TMEM87A: variants seen among roughly 807,000 people sequenced by gnomAD.
The protein encoded by TMEM87A is transmembrane protein 87A.
Under a neutral mutation model 90.0 loss-of-function variants are expected in TMEM87A, and 50 were observed. The observed-to-expected ratio is 0.56, with a 90% CI of 0.44 to 0.70. TMEM87A has a LOEUF of 0.70. Ranked by LOEUF, TMEM87A falls within the 30% of genes least tolerant of loss-of-function variation. TMEM87A has a pLI of 0.00. For missense variants in TMEM87A, 577 were observed against 660.5 expected (o/e 0.87, Z 1.39); for synonymous variants, 226 against 226.7 (o/e 1.00, Z 0.03).
At chr15:42,256,999 T>A (rs768402230) in intron 6 of TMEM87A, among the ~76,000 whole-genome samples, 25 of 152,206 alleles carry the variant, frequency 1.6e-4, no homozygotes, top group Admixed American at 2.6e-4. Context: ...GTTACAGGTG[T>A]GAGCCACAGC....
intron 9 of TMEM87A, 151 bp downstream of exon 9, chr15:42,237,281 A>C (rs2050786361): frequency 1.4e-6 from 1 of 727,470 alleles, no homozygotes; most frequent in South Asian, 2.6e-5. Context: ...ATTAAAAACA[A>C]AAGTCAGAGT....
chr15:42,228,689 CAAG>C lies in TMEM87A; in HGVS notation c.1240+20_1240+22del. On this transcript the variant is annotated intron_variant, in intron 13 of 19. Transcript: ENST00000389834. The stretch of plus-strand genomic sequence containing the variant: ...TTCTAAACAGATCACATTTGAACTC[CAAG>C]AAGAAAGTCCCAGACTTACCTGCCA... 6.3e-7 allele frequency: 1 copy of C among 1,596,582 alleles called. No homozygotes were observed. The highest frequency in any genetic ancestry group is 8.6e-7 in the Non-Finnish European group (1 of 1,164,072).
At chr15:42,229,433 A>G (rs1289517541) in intron 12 of TMEM87A, among the ~76,000 whole-genome samples, 1 of 152,138 alleles carries the variant, frequency 6.6e-6, no homozygotes, top group Non-Finnish European at 1.5e-5. Context: ...CAAAAAAAAA[A>G]GACAGAAAAT....
At chr15:42,262,690 T>C (rs2051319415) in intron 4 of TMEM87A, among the ~76,000 whole-genome samples, 1 of 152,204 alleles carries the variant, frequency 6.6e-6, no homozygotes, top group Admixed American at 6.5e-5. Context: ...GTGCTGGGAT[T>C]ACAGGCCTGA....
intron 8 of TMEM87A, among the ~76,000 whole-genome samples, chr15:42,238,971 GTATGCACACATACATGTA>G (rs1268689555): frequency 1.3e-5 from 2 of 151,910 alleles, no homozygotes; most frequent in African/African-American, 2.4e-5. Flanking sequence ...AGACACAGAC[GTATGCACACATACATGTA>G]TGTGCACACA....
intron 9 of TMEM87A, 51 bp downstream of exon 9, chr15:42,237,380 TA>T: frequency 6.3e-7 from 1 of 1,575,284 alleles, no homozygotes; most frequent in Admixed American, 1.8e-5. Flanking sequence ...AATATTTTCA[TA>T]CATCTCACCT....
At chr15:42,241,210 G>C (rs549371330) in intron 7 of TMEM87A, among the ~76,000 whole-genome samples, 1 of 152,320 alleles carries the variant, frequency 6.6e-6, no homozygotes, top group African/African-American at 2.4e-5. Context: ...AAACACAGCA[G>C]ACAGAAACAT....
chr15:42,216,903 A>G (rs1168979039), intron 19 of TMEM87A, among the ~76,000 whole-genome samples: 1 of 152,098 alleles, frequency 6.6e-6, no homozygotes, highest in Admixed American at 6.6e-5. Context: ...ATGACCTAAT[A>G]TTCAGAACAT....
chr15:42,223,151 G>A (rs1320240123), intron 15 of TMEM87A, among the ~76,000 whole-genome samples: 1 of 152,174 alleles, frequency 6.6e-6, no homozygotes, highest in East Asian at 1.9e-4. Context: ...CCAGCGTTTT[G>A]GGAGGCCAAG....
intron 3 of TMEM87A, among the ~76,000 whole-genome samples, chr15:42,264,699 A>ATATATATATATATATATTTT (rs10681614): frequency 2.7e-5 from 3 of 109,422 alleles, no homozygotes; most frequent in African/African-American, 9.2e-5. Context: ...ATATATATAT[A>ATATATATATATATATATTTT]TTTTTTTTTT....
intron 6 of TMEM87A, 119 bp downstream of exon 6, chr15:42,260,839 C>T (rs2051273578): frequency 9.0e-7 from 1 of 1,114,312 alleles, no homozygotes; most frequent in South Asian, 1.6e-5. Context: ...TGGTCTATAG[C>T]TTCCAGATTT....
At position 42,231,142 on chromosome 15, in the gene TMEM87A, C is replaced by CT. The variant is rs748510340; in HGVS notation, c.1131+49dup. 9.8e-6 allele frequency: 9 copies of CT among 918,496 alleles called. No homozygotes were observed. The African/African-American group carries it at 4.3e-4, about 44-fold the overall frequency. The allele number at this position is 918,496 out of a possible 1,614,324, so 56.9% of individuals were successfully genotyped here. On this transcript the variant is annotated intron_variant, in intron 12 of 19. Coordinates refer to ENST00000389834, the MANE Select transcript of TMEM87A (RefSeq NM_015497.5). ...TGCAGAAAGATCAATGGAAACCCAT[C>CT]TCAAGGGGAGAAAATGGACCATCAT...
At chr15:42,232,725 G>A (rs542073916) in intron 11 of TMEM87A, among the ~76,000 whole-genome samples, 57 of 151,734 alleles carry the variant, frequency 3.8e-4, no homozygotes, top group Admixed American at 1.0e-3. Context: ...CTAGTGATCC[G>A]CCTGCCTCGG....
At chr15:42,244,280 TTC>T (rs1307585307) in intron 6 of TMEM87A, 113 bp from the exon 7 acceptor site, 1 of 649,322 alleles carries the variant, frequency 1.5e-6, no homozygotes, top group Non-Finnish European at 2.6e-6. Context: ...GGTAAAGTCC[TTC>T]TCTTTCATTC....
intron 19 of TMEM87A, among the ~76,000 whole-genome samples, chr15:42,216,918 A>G (rs534396211): frequency 2.6e-5 from 4 of 152,186 alleles, no homozygotes; most frequent in Admixed American, 2.6e-4. Flanking sequence ...GAACATATCC[A>G]GAACTAGTTT....
chr15:42,212,296 A>G (rs1370702297), intron 19 of TMEM87A, among the ~76,000 whole-genome samples: 1 of 152,194 alleles, frequency 6.6e-6, no homozygotes, highest in Admixed American at 6.5e-5. Context: ...TTCCCTTCTT[A>G]GGCAATTTTA....
chr15:42,271,351 A>T (rs1252017354), intron 2 of TMEM87A, among the ~76,000 whole-genome samples: 1 of 152,224 alleles, frequency 6.6e-6, no homozygotes, highest in Non-Finnish European at 1.5e-5. Context: ...GTAAACATTT[A>T]ACAAGCACAC....
In TMEM87A at chr15:42,227,740, T is replaced by C. The variant is rs748032270; in HGVS notation, c.1270A>G (p.Met424Val). 7.4e-6 allele frequency: 12 copies of C among 1,613,930 alleles called. No individual in the cohort carries two copies. The highest frequency in any genetic ancestry group is 1.1e-5 in the South Asian group (1 of 91,094). ...ASIVFIIWTT[M>V]KFRIVTCQSD... ...TGACATGTCACTATTCTGAACTTCA[T>C]GGTTGTCCAGATGATAAACACAATG... Residue 424 changes from methionine (M) to valine (V), a missense_variant, in exon 14 of 20, where the codon ATG (methionine) becomes GTG (valine). Met to Val is a conservative substitution (Grantham distance 21). Coordinates refer to ENST00000389834, the MANE Select transcript of TMEM87A (RefSeq NM_015497.5).
chr15:42,259,079 CTG>C lies in TMEM87A; in HGVS notation c.504+1877_504+1878del, dbSNP rs2051237387. On this transcript the variant is annotated intron_variant, in intron 6 of 19. Coordinates refer to ENST00000389834, the MANE Select transcript of TMEM87A (RefSeq NM_015497.5). ...CTCCTTAAAACCAAAGTCCCTGAAA[CTG>C]TTAACAGCTGATAAAAACAACAGCT... The C allele has an allele frequency of 5.9e-6, 4 of 677,916 alleles. No homozygotes were observed. The Admixed American group carries it at 1.0e-4, about 18-fold the overall frequency. The allele number at this position is 677,916 out of a possible 1,614,324, so 42.0% of individuals were successfully genotyped here.
Sources: gnomAD v4.1 joint callset for allele counts (sites outside exome capture counted in the v4.1 genomes callset) on GRCh38, gnomAD v4.1.1 for gene constraint, MANE v1.5 for transcripts, NCBI Gene and HGNC (gene_info 2026-07-23, HGNC 2026-07-21) for gene names.